The following FRMD3 variants were observed in gnomAD, a reference collection of about 807,000 sequenced individuals.
FRMD3 encodes FERM domain-containing protein 3.
In FRMD3, 33 loss-of-function variants were observed where a neutral mutation model predicts 70.2. The ratio of observed to expected loss-of-function variants is 0.47; its 90% CI spans 0.36 to 0.63. The LOEUF (loss-of-function observed/expected upper bound fraction) is 0.63. Ranked by LOEUF, FRMD3 falls within the 20% of genes least tolerant of loss-of-function variation. The pLI is 0.00. For missense variants in FRMD3, 632 were observed against 711.4 expected (o/e 0.89, Z 1.27); for synonymous variants, 279 against 255.9 (o/e 1.09, Z -0.86).
At chr9:83,444,839 T>C (rs1415701346) in intron 1 of FRMD3, among the ~76,000 whole-genome samples, 1 of 152,188 alleles carries the variant, frequency 6.6e-6, no homozygotes, top group African/African-American at 2.4e-5. Context: ...ATGGATTTTC[T>C]CTCTCATGGA....
chr9:83,373,765 C>T (rs2131259824), intron 2 of FRMD3, among the ~76,000 whole-genome samples: 1 of 152,226 alleles, frequency 6.6e-6, no homozygotes, highest in South Asian at 2.1e-4. Flanking sequence ...AGAGATGATA[C>T]AGGGGGTGTC....
intron 1 of FRMD3, among the ~76,000 whole-genome samples, chr9:83,407,458 C>G (rs572806623): frequency 2.8e-4 from 42 of 152,190 alleles, no homozygotes; most frequent in Admixed American, 7.9e-4. Context: ...CTCTGTATTT[C>G]CCCCAGCCTC....
chr9:83,378,408 T>C (rs1348158590), intron 2 of FRMD3, among the ~76,000 whole-genome samples: 1 of 146,812 alleles, frequency 6.8e-6, no homozygotes, highest in Non-Finnish European at 1.5e-5. Context: ...CTCCAGAGTA[T>C]CTGGGACTAC....
intron 1 of FRMD3, among the ~76,000 whole-genome samples, chr9:83,426,454 G>A (rs7029634): frequency 0.052 from 7,990 of 152,310 alleles, 293 homozygotes; most frequent in African/African-American, 0.1. Context: ...GGCAGAGGCC[G>A]GCCCCGGTGC....
intron 1 of FRMD3, among the ~76,000 whole-genome samples, chr9:83,500,520 A>ATATGGTATTAATTTTTTTAATCAT (rs1259482658): frequency 6.6e-6 from 1 of 151,810 alleles, no homozygotes. Context: ...ACACACACAC[A>ATATGGTATTAATTTTTTTAATCAT]CACACACACA....
chr9:83,254,745 A>G (rs1325456120), intron 13 of FRMD3, among the ~76,000 whole-genome samples: 1 of 152,192 alleles, frequency 6.6e-6, no homozygotes, highest in East Asian at 1.9e-4. Context: ...AATACTACAA[A>G]TACCTCTATG....
At position 83,342,043 on chromosome 9, in the gene FRMD3, A is replaced by ATCTCTCTCTCTCTCTCTCTCTCTC. The variant is rs112748690; in HGVS notation, c.472+1123_472+1146dup. Among the ~76,000 whole-genome samples, 80 of 139,738 alleles carry ATCTCTCTCTCTCTCTCTCTCTCTC rather than the reference A, an allele frequency of 5.7e-4. 1 individual carries two copies. The highest frequency in any genetic ancestry group is 3.5e-3 in the Middle Eastern group (1 of 286). 91.7% of individuals were successfully genotyped at this position (139,738 alleles called of 152,430 possible). ...GATCCATTGGAAGATTGACATAGTC[A>ATCTCTCTCTCTCTCTCTCTCTCTC]TCTCTCTCTCTCTCTCTCTCTCTCT... is the stretch of plus-strand genomic sequence containing the variant. On this transcript the variant is annotated intron_variant, in intron 5 of 13. Transcript: ENST00000304195.
intron 1 of FRMD3, among the ~76,000 whole-genome samples, chr9:83,447,327 C>A (rs1305334582): frequency 6.6e-6 from 1 of 152,140 alleles, no homozygotes; most frequent in Non-Finnish European, 1.5e-5. Context: ...CCGGCCAGAT[C>A]AGGGTTTCTA....
chr9:83,536,405 AGAG>A (rs1829893156), intron 1 of FRMD3, among the ~76,000 whole-genome samples: 2 of 152,322 alleles, frequency 1.3e-5, no homozygotes, highest in South Asian at 4.1e-4. Context: ...GCTGAGAGAC[AGAG>A]GAGAACTCAA....
chr9:83,303,641 T>C (rs1835007127), intron 10 of FRMD3, among the ~76,000 whole-genome samples: 1 of 152,218 alleles, frequency 6.6e-6, no homozygotes, highest in South Asian at 2.1e-4. Context: ...ACTGGGAAAC[T>C]TCTAGCACTG....
chr9:83,506,975 G>A (rs1199830208), intron 1 of FRMD3, among the ~76,000 whole-genome samples: 1 of 152,134 alleles, frequency 6.6e-6, no homozygotes, highest in African/African-American at 2.4e-5. Flanking sequence ...AGGATCAAGA[G>A]TGTCAATATC....
intron 3 of FRMD3, among the ~76,000 whole-genome samples, chr9:83,357,406 G>A (rs28821469): frequency 2.7e-5 from 4 of 150,016 alleles, no homozygotes; most frequent in East Asian, 2.0e-4. Flanking sequence ...TATCTCTTTC[G>A]TATAATGACT....
intron 1 of FRMD3, among the ~76,000 whole-genome samples, chr9:83,479,624 A>AAAGGAAGGAAGGAAGGAAGG (rs1175480479): frequency 1.6e-5 from 1 of 61,432 alleles, no homozygotes; most frequent in Non-Finnish European, 3.1e-5. Flanking sequence ...GACCCTGAAG[A>AAAGGAAGGAAGGAAGGAAGG]AAGGAAGGAA....
intron 1 of FRMD3, among the ~76,000 whole-genome samples, chr9:83,512,154 C>T (rs1256000699): frequency 6.6e-6 from 1 of 152,176 alleles, no homozygotes; most frequent in Non-Finnish European, 1.5e-5. Context: ...GATGAAAGCA[C>T]AGGGATTGGC....
At chr9:83,297,268 A>G (rs199655572) in intron 12 of FRMD3, among the ~76,000 whole-genome samples, 1 of 152,296 alleles carries the variant, frequency 6.6e-6, no homozygotes, top group East Asian at 1.9e-4. Flanking sequence ...TTCAACCTGG[A>G]AGAATAAAAT....
chr9:83,263,342 C>T (rs1259022878), intron 13 of FRMD3, among the ~76,000 whole-genome samples: 1 of 152,244 alleles, frequency 6.6e-6, no homozygotes, highest in Non-Finnish European at 1.5e-5. Flanking sequence ...ATACCATCTT[C>T]TGGATCTCTT....
chr9:83,389,502 A>G (rs2131296445), intron 2 of FRMD3, 102 bp downstream of exon 2: 1 of 758,202 alleles, frequency 1.3e-6, no homozygotes, highest in Non-Finnish European at 2.4e-6. Flanking sequence ...CCAATAATCT[A>G]TGAGAACAAG....
chr9:83,405,447 G>C (rs1048764137), intron 1 of FRMD3, among the ~76,000 whole-genome samples: 2 of 152,014 alleles, frequency 1.3e-5, no homozygotes, highest in African/African-American at 4.8e-5. Flanking sequence ...AGCGGTTCTG[G>C]GATACAGAGA....
chr9:83,431,474 C>T (rs1826974159), intron 1 of FRMD3, among the ~76,000 whole-genome samples: 2 of 152,134 alleles, frequency 1.3e-5, no homozygotes, highest in South Asian at 4.2e-4. Flanking sequence ...AATACTCTAG[C>T]CTTTCCTTCC....
Sources: allele counts gnomAD v4.1 joint callset (sites outside exome capture counted in the v4.1 genomes callset), GRCh38; gene constraint gnomAD v4.1.1; transcripts MANE v1.5; gene names NCBI Gene and HGNC (gene_info 2026-07-23, HGNC 2026-07-21).